Variants in GPR143 observed in about 807,000 individuals in gnomAD.
The protein encoded by GPR143 is G-protein coupled receptor 143.
Under a neutral mutation model 27.6 loss-of-function variants are expected in GPR143, and 8 were observed. That is an observed-to-expected ratio of 0.29 (90% CI 0.17 to 0.52). The LOEUF is 0.52. GPR143 is among the 20% of genes least tolerant of loss of function. GPR143 has a pLI of 0.96. For synonymous variants in GPR143, 156 were observed against 153.2 expected, an observed-to-expected ratio of 1.02 and a Z score of -0.13; for missense variants, 303 against 343.1, an observed-to-expected ratio of 0.88 and a Z score of 0.92.
chrX:9,751,676 G>A (rs1205782712), intron 3 of GPR143, among the ~76,000 whole-genome samples: 1 of 112,307 alleles, frequency 8.9e-6, no homozygotes, highest in African/African-American at 3.2e-5. Flanking sequence ...GAAATGTTCT[G>A]GAACTAGTAA....
chrX:9,751,060 C>T (rs1441750455), intron 3 of GPR143, among the ~76,000 whole-genome samples: 1 of 112,655 alleles, frequency 8.9e-6, no homozygotes, highest in Non-Finnish European at 1.9e-5. Context: ...ACAGCTGGCA[C>T]ATTAACTAGC....
chrX:9,750,997 A>G (rs1601881776), intron 3 of GPR143, among the ~76,000 whole-genome samples: 2 of 112,818 alleles, frequency 1.8e-5, no homozygotes, highest in East Asian at 5.6e-4. Flanking sequence ...CTCCTCTTAC[A>G]GCCTCATCCC....
In GPR143 at chrX:9,760,805, A is replaced by C; in HGVS notation, c.272T>G (p.Val91Gly). 3 of 1,146,442 alleles carry C rather than the reference A, an allele frequency of 2.6e-6. No individual in the cohort carries two copies. Among genetic ancestry groups the C allele is most frequent in the Non-Finnish European group, 3.6e-6 (3 of 840,741 alleles). The allele number at this position is 1,146,442 out of a possible 1,213,427, so 94.5% of individuals were successfully genotyped here. The change falls in exon 2 of 9, where the codon GTG (valine) becomes GGG (glycine). Residue 91 changes from valine (V) to glycine (G), a missense_variant. By Grantham distance (109) the Val-to-Gly change is moderately radical. Transcript: ENST00000467482. Reference sequence around the variant, plus strand: ...AACAAAATTTGGGAATCCTAACCACACGGTGGACCGGATCACCATACCTAA... The same window carrying C: ...AACAAAATTTGGGAATCCTAACCACCCGGTGGACCGGATCACCATACCTAA... ...GCLGMVIRST[V>G]WLGFPNFVDS...
chrX:9,766,903 T>TCTCTCACA (rs1379433308), upstream of GPR143, among the ~76,000 whole-genome samples: 1 of 86,895 alleles, frequency 1.2e-5, no homozygotes, highest in African/African-American at 4.4e-5. Flanking sequence ...TCTCTCTCTC[T>TCTCTCACA]CACACACACA....
In GPR143 at chrX:9,739,581, G is replaced by A. The variant is rs748861491; in HGVS notation, c.1024C>T (p.Pro342Ser). Residue 342 changes from proline (P) to serine (S), a missense_variant, in exon 8 of 9, where the codon CCA becomes TCA. Physicochemically the swap from Pro to Ser is moderately conservative, Grantham distance 74 (BLOSUM62 -1). Transcript: ENST00000467482. ...TTTTCATGGGGCATCAGTGGGGATG[G>A]GTGAGCCCCCTCAGCAGCCGAGGTG... ...LTTSAAEGAH[P>S]SPLMPHENPA... is the part of the protein sequence containing the mutation. 8.3e-7 allele frequency: 1 copy of A among 1,209,132 alleles called. No homozygotes were observed. The highest frequency in any genetic ancestry group is 1.8e-5 in the South Asian group (1 of 56,725).
intron 1 of GPR143, among the ~76,000 whole-genome samples, chrX:9,773,333 G>C (rs1179153764): frequency 9.0e-6 from 1 of 111,290 alleles, no homozygotes; most frequent in Non-Finnish European, 1.9e-5. Flanking sequence ...AGTTTTTAAG[G>C]AAAATTTCCA....
chrX:9,734,079 T>C (rs868159854), intron 8 of GPR143, among the ~76,000 whole-genome samples: 4 of 38,268 alleles, frequency 1.0e-4, no homozygotes, highest in Admixed American at 4.0e-4. Context: ...AAACTCTGTC[T>C]CAAAAAAAAA....
chrX:9,752,220 C>G (rs2083454205), intron 3 of GPR143, among the ~76,000 whole-genome samples: 1 of 112,080 alleles, frequency 8.9e-6, no homozygotes, highest in Non-Finnish European at 1.9e-5. Flanking sequence ...CACCACCACA[C>G]CCAGCTAACT....
At chrX:9,770,323 A>AAAGAGAGAGAGAGAGAGAGAGAG (rs1217424947), upstream of GPR143, among the ~76,000 whole-genome samples, 2 of 88,999 alleles carry the variant, frequency 2.2e-5, no homozygotes, top group Admixed American at 2.6e-4. Context: ...AAGAAAGAAA[A>AAAGAGAGAGAGAGAGAGAGAGAG]AGAGAGAGAG....
intron 7 of GPR143, chrX:9,740,753 C>CTT (rs374177494): frequency 1.9e-3 from 476 of 256,132 alleles, no homozygotes; most frequent in South Asian, 2.6e-3. Flanking sequence ...TTCTTTCTTT[C>CTT]TTTTTTTTTT....
At chrX:9,772,429 C>G (rs2083557704) in intron 1 of GPR143, among the ~76,000 whole-genome samples, 1 of 112,012 alleles carries the variant, frequency 8.9e-6, no homozygotes, top group African/African-American at 3.2e-5. Flanking sequence ...CAGTTGTTAA[C>G]TGTGAGAACA....
At chrX:9,731,799 G>C (rs1022019960) in intron 8 of GPR143, among the ~76,000 whole-genome samples, 12 of 82,395 alleles carry the variant, frequency 1.5e-4, no homozygotes, top group Admixed American at 3.6e-4. Context: ...TAAGGAATTG[G>C]GGGGGGGGGG....
Position 9,765,596 on chromosome X carries a change from G to T in GPR143, c.222C>A (p.Ala74=). The T allele has an allele frequency of 9.5e-7, 1 of 1,050,469 alleles. No individual in the cohort carries two copies. The highest frequency in any genetic ancestry group is 1.2e-6 in the Non-Finnish European group (1 of 817,665). The allele number at this position is 1,050,469 out of a possible 1,213,427, so 86.6% of individuals were successfully genotyped here. ...PPASVRILRA[A]AACDLLGCLG... is the part of the protein sequence containing the mutation. ...GGCAGCCGAGAAGGTCGCAGGCAGCGGCAGCGCGCAGGATGCGGACCGAGG... is the reference window on the plus strand; with the variant it reads ...GGCAGCCGAGAAGGTCGCAGGCAGCTGCAGCGCGCAGGATGCGGACCGAGG... The change falls in exon 1 of 9, where the codon GCC becomes GCA. Residue 74 remains alanine (A), a synonymous_variant. Transcript: ENST00000467482.
At chrX:9,752,461 G>C in intron 3 of GPR143, among the ~76,000 whole-genome samples, 1 of 112,158 alleles carries the variant, frequency 8.9e-6, no homozygotes, top group Non-Finnish European at 1.9e-5. Flanking sequence ...TGGAACCTGT[G>C]AATATGTTCC....
intron 7 of GPR143, chrX:9,740,753 CTTTTTTTTT>C (rs374177494): frequency 1.2e-5 from 3 of 258,237 alleles, no homozygotes; most frequent in East Asian, 5.2e-5. Flanking sequence ...TTCTTTCTTT[CTTTTTTTTT>C]TTTTTTTTTG....
chrX:9,727,559 A>G (rs1301275541), intron 8 of GPR143, among the ~76,000 whole-genome samples: 3 of 113,363 alleles, frequency 2.6e-5, no homozygotes, highest in Non-Finnish European at 5.6e-5. Context: ...AAAGTGACCA[A>G]GAATAAAATC....
chrX:9,765,417 G>A (rs2083526070), intron 1 of GPR143, 151 bp downstream of exon 1: 16 of 541,560 alleles, frequency 3.0e-5, no homozygotes, highest in Non-Finnish European at 4.0e-5. Flanking sequence ...TCCAACCCGC[G>A]GGCCTCTCGT....
At chrX:9,756,655 T>C (rs2083475220) in intron 3 of GPR143, among the ~76,000 whole-genome samples, 1 of 112,668 alleles carries the variant, frequency 8.9e-6, no homozygotes, top group East Asian at 2.8e-4. Context: ...GCATCATTAC[T>C]CATCAGTGAA....
intron 8 of GPR143, among the ~76,000 whole-genome samples, chrX:9,732,924 A>G (rs766965860): frequency 9.1e-6 from 1 of 110,215 alleles, no homozygotes; most frequent in Admixed American, 9.8e-5. Flanking sequence ...GACGAGTGGG[A>G]AAGAAGAAAT....
Sources: allele counts gnomAD v4.1 joint callset (sites outside exome capture counted in the v4.1 genomes callset), GRCh38; gene constraint gnomAD v4.1.1; transcripts MANE v1.5; gene names NCBI Gene and HGNC (gene_info 2026-07-23, HGNC 2026-07-21).